TAFA1: variants seen among roughly 807,000 people sequenced by gnomAD.
TAFA1 encodes the protein chemokine-like protein TAFA-1.
A neutral mutation model predicts 18.5 loss-of-function variants in TAFA1; 4 were observed. The ratio of observed to expected loss-of-function variants is 0.22; its 90% CI spans 0.11 to 0.49. TAFA1 has a LOEUF of 0.49. TAFA1 is among the 20% of genes least tolerant of loss of function. TAFA1 has a pLI of 0.98. For missense variants in TAFA1, 147 were observed against 169.0 expected, an observed-to-expected ratio of 0.87 and a Z score of 0.72; for synonymous variants, 56 against 55.2, an observed-to-expected ratio of 1.01 and a Z score of -0.06.
intron 2 of TAFA1, chr3:68,145,342 A>G: frequency 1.3e-6 from 1 of 799,346 alleles, no homozygotes; most frequent in South Asian, 1.3e-5. Context: ...GAGATGCAAC[A>G]AGGAGACGCA....
intron 2 of TAFA1, among the ~76,000 whole-genome samples, chr3:68,101,011 TTTAA>T (rs1167764769): frequency 1.3e-5 from 2 of 152,308 alleles, no homozygotes; most frequent in Non-Finnish European, 2.9e-5. Context: ...GTTGATTTTA[TTTAA>T]TTTTTATTTT....
At position 68,432,742 on chromosome 3, in the gene TAFA1, C is replaced by T. The variant is rs79731679; in HGVS notation, c.259+15322C>T. Among the ~76,000 whole-genome samples the T allele has an allele frequency of 4.2e-4, 64 of 152,094 alleles. 1 individual carries two copies. Among genetic ancestry groups the T allele is most frequent in the African/African-American group, 1.5e-3 (62 of 41,542 alleles). ...ATCCCAGTCCAAGTAAGAGAAGACA[C>T]TCATTTTCCAAGCTCCCATTGGTAC... On this transcript the variant is annotated intron_variant, in intron 3 of 4. Transcript: ENST00000478136.
chr3:68,180,598 G>A (rs2066186310), intron 2 of TAFA1, among the ~76,000 whole-genome samples: 1 of 152,176 alleles, frequency 6.6e-6, no homozygotes, highest in South Asian at 2.1e-4. Context: ...GGTGAGTAGT[G>A]TCTGCCCCTT....
intron 2 of TAFA1, among the ~76,000 whole-genome samples, chr3:68,176,231 C>T (rs936565149): frequency 6.6e-6 from 1 of 152,166 alleles, no homozygotes; most frequent in African/African-American, 2.4e-5. Context: ...CCTACAATTC[C>T]AGCACATTGG....
chr3:68,491,793 G>A (rs1483545792), intron 3 of TAFA1, among the ~76,000 whole-genome samples: 3 of 152,036 alleles, frequency 2.0e-5, no homozygotes, highest in African/African-American at 7.2e-5. Context: ...TTTATGGATG[G>A]GCACTGTCAG....
intron 3 of TAFA1, among the ~76,000 whole-genome samples, chr3:68,462,532 A>G (rs1447312514): frequency 6.6e-6 from 1 of 152,188 alleles, no homozygotes. Context: ...TTTACAAATT[A>G]TGCTGTATTG....
intron 3 of TAFA1, among the ~76,000 whole-genome samples, chr3:68,498,869 G>C (rs188097958): frequency 3.3e-5 from 5 of 151,758 alleles, no homozygotes; most frequent in Admixed American, 3.3e-4. Context: ...ATGGTCTTCA[G>C]GGACTTTCAT....
rs573085714 is a variant in TAFA1 at position 68,206,523 on chromosome 3, G to A, written c.118+199779G>A. Among the ~76,000 whole-genome samples, 4 of 151,724 alleles carry A rather than the reference G, an allele frequency of 2.6e-5. No homozygotes were observed. The South Asian group carries it at 8.3e-4, about 32-fold the overall frequency. ...TATGGATATAAAAATCAATTTAAAC[G>A]GCTTAAGTAAAAAAGAGGATTTACT... is the stretch of plus-strand genomic sequence containing the variant. On this transcript the variant is annotated intron_variant, in intron 2 of 4. Transcript: ENST00000478136.
chr3:68,466,281 G>T (rs1251205171), intron 3 of TAFA1, among the ~76,000 whole-genome samples: 1 of 152,076 alleles, frequency 6.6e-6, no homozygotes, highest in Non-Finnish European at 1.5e-5. Context: ...CTAATTTCCA[G>T]AGTATCAACA....
At chr3:68,395,486 A>G in intron 2 of TAFA1, among the ~76,000 whole-genome samples, 1 of 151,748 alleles carries the variant, frequency 6.6e-6, no homozygotes, top group East Asian at 1.9e-4. Flanking sequence ...AAAGACACAT[A>G]CGTTTACTGC....
At chr3:68,266,956 C>T (rs2067559349) in intron 2 of TAFA1, among the ~76,000 whole-genome samples, 1 of 108,510 alleles carries the variant, frequency 9.2e-6, no homozygotes, top group African/African-American at 3.9e-5. Flanking sequence ...CGGTGGACTC[C>T]AGTTTCTCCT....
chr3:68,220,571 C>T (rs1225924894), intron 2 of TAFA1, among the ~76,000 whole-genome samples: 1 of 151,978 alleles, frequency 6.6e-6, no homozygotes, highest in Non-Finnish European at 1.5e-5. Flanking sequence ...TCCAATCTGT[C>T]AGTTCAAACA....
chr3:68,226,742 C>G (rs2066806060), intron 2 of TAFA1, among the ~76,000 whole-genome samples: 1 of 152,186 alleles, frequency 6.6e-6, no homozygotes, highest in South Asian at 2.1e-4. Flanking sequence ...CTTTTGAAGT[C>G]AGACAAATGA....
At chr3:68,446,771 C>T (rs1171081474) in intron 3 of TAFA1, among the ~76,000 whole-genome samples, 1 of 152,176 alleles carries the variant, frequency 6.6e-6, no homozygotes, top group Admixed American at 6.5e-5. Context: ...TAGACACACT[C>T]TGTCATCTGC....
At chr3:68,530,328 G>A (rs923937861) in intron 3 of TAFA1, among the ~76,000 whole-genome samples, 1 of 152,070 alleles carries the variant, frequency 6.6e-6, no homozygotes, top group Non-Finnish European at 1.5e-5. Flanking sequence ...GCTCTATTTA[G>A]GATTTATACT....
intron 2 of TAFA1, among the ~76,000 whole-genome samples, chr3:68,118,873 C>CT (rs1481185046): frequency 6.7e-6 from 1 of 148,354 alleles, no homozygotes; most frequent in Admixed American, 6.7e-5. Context: ...TGCTTTAATT[C>CT]TTTTTGGTAT....
In TAFA1 at chr3:68,513,682, A is replaced by G. The variant is rs116211539; in HGVS notation, c.260-25074A>G. Among the ~76,000 whole-genome samples, 520 of 152,248 alleles carry G rather than the reference A, an allele frequency of 3.4e-3. 2 individuals are homozygous for G. Among genetic ancestry groups the G allele is most frequent in the Middle Eastern group, 6.8e-3 (2 of 294 alleles). On this transcript the variant is annotated intron_variant, in intron 3 of 4. Coordinates refer to ENST00000478136, the MANE Select transcript of TAFA1 (RefSeq NM_213609.4). ...CTATTGCCTCGAGAAACACTAACTCATTTAATTTAAAAAACAAAAAAGACT... is the reference window on the plus strand; with the variant it reads ...CTATTGCCTCGAGAAACACTAACTCGTTTAATTTAAAAAACAAAAAAGACT...
intron 2 of TAFA1, among the ~76,000 whole-genome samples, chr3:68,010,345 G>A (rs1704447311): frequency 6.6e-6 from 1 of 152,184 alleles, no homozygotes; most frequent in Non-Finnish European, 1.5e-5. Context: ...ACATTGACAG[G>A]TGAGTGGAAT....
chr3:68,125,526 C>G (rs1190295277), intron 2 of TAFA1, among the ~76,000 whole-genome samples: 1 of 152,132 alleles, frequency 6.6e-6, no homozygotes, highest in Non-Finnish European at 1.5e-5. Context: ...AGAGACACAG[C>G]CCCTGCCTGG....
Sources: allele counts gnomAD v4.1 joint callset (sites outside exome capture counted in the v4.1 genomes callset), GRCh38; gene constraint gnomAD v4.1.1; transcripts MANE v1.5; gene names NCBI Gene and HGNC (gene_info 2026-07-23, HGNC 2026-07-21).